The following MAFK variants were observed in gnomAD, a reference collection of about 807,000 sequenced individuals.
MAFK encodes the protein MAF bZIP transcription factor K.
Under a neutral mutation model 9.2 loss-of-function variants are expected in MAFK, and 1 was observed. The observed-to-expected ratio is 0.11, with a 90% CI of 0.04 to 0.52. MAFK has a LOEUF of 0.52. MAFK is among the 20% of genes least tolerant of loss of function. The pLI is 0.94. For synonymous variants in MAFK, 110 were observed against 107.4 expected (o/e 1.02, Z -0.15); for missense variants, 207 against 236.0 (o/e 0.88, Z 0.81).
In MAFK at chr7:1,540,382, C is replaced by T. The variant is rs1784147130; in HGVS notation, c.*7C>T. 7.9e-7 allele frequency: 1 copy of T among 1,268,344 alleles called. No homozygotes were observed. The highest frequency in any genetic ancestry group is 2.5e-5 in the Admixed American group (1 of 40,008). The allele number at this position is 1,268,344 out of a possible 1,614,324, so 78.6% of individuals were successfully genotyped here. A position where few individuals can be genotyped will look rare whatever the true frequency, so the allele number is the denominator to read the frequency against. Reference sequence around the variant, plus strand: ...CTTCTCGGCTGCATCCTAGTGCCGGCCGGGGGCGGGGGGTGGCGGGCGGCG... The same window carrying T: ...CTTCTCGGCTGCATCCTAGTGCCGGTCGGGGGCGGGGGGTGGCGGGCGGCG... On this transcript the variant is annotated 3_prime_UTR_variant, in exon 3 of 3. Transcript: ENST00000343242.
chr7:1,542,909 C>G lies in MAFK; in HGVS notation c.*2534C>G, dbSNP rs1002762172. The G allele has an allele frequency of 6.5e-5, 10 of 152,802 alleles. No individual in the cohort carries two copies. The highest frequency in any genetic ancestry group is 2.4e-4 in the African/African-American group (10 of 41,588). The allele number at this position is 152,802 out of a possible 1,614,324, so 9.5% of individuals were successfully genotyped here. A position where few individuals can be genotyped will look rare whatever the true frequency, so the allele number is the denominator to read the frequency against. ...TTATCATGATATAAATTATTGAAAACAGATCACATGTGGGCCCGTGTCTGG... is the reference window on the plus strand; with the variant it reads ...TTATCATGATATAAATTATTGAAAAGAGATCACATGTGGGCCCGTGTCTGG... On this transcript the variant is annotated 3_prime_UTR_variant, in exon 3 of 3. Coordinates refer to ENST00000343242, the MANE Select transcript of MAFK (RefSeq NM_002360.4).
intron 1 of MAFK, chr7:1,538,944 C>G (rs914632818): frequency 4.9e-5 from 26 of 532,972 alleles, no homozygotes; most frequent in African/African-American, 4.5e-4. Flanking sequence ...AACCCTCAGG[C>G]AGGGACAGAG....
chr7:1,536,525 A>G (rs1187714313), intron 1 of MAFK, among the ~76,000 whole-genome samples: 1 of 152,214 alleles, frequency 6.6e-6, no homozygotes, highest in Non-Finnish European at 1.5e-5. Flanking sequence ...AGCGCTTTCT[A>G]CATGTGCTCT....
intron 1 of MAFK, 193 bp from the exon 2 acceptor site, chr7:1,538,956 C>T (rs1583201786): frequency 1.8e-6 from 1 of 553,078 alleles, no homozygotes. Flanking sequence ...GGGACAGAGG[C>T]CGGGCCAGGA....
chr7:1,533,705 C>A (rs1783959510), intron 1 of MAFK, among the ~76,000 whole-genome samples: 1 of 151,348 alleles, frequency 6.6e-6, no homozygotes, highest in African/African-American at 2.4e-5. Context: ...GCGGGTGATG[C>A]TTGAGGGCTG....
chr7:1,537,034 G>A (rs1291640335), intron 1 of MAFK, among the ~76,000 whole-genome samples: 1 of 152,262 alleles, frequency 6.6e-6, no homozygotes, highest in Non-Finnish European at 1.5e-5. Flanking sequence ...GCGTGCTTCA[G>A]TAGCCCTGGC....
At chr7:1,537,848 G>A (rs1446531020) in intron 1 of MAFK, 4 of 267,892 alleles carry the variant, frequency 1.5e-5, no homozygotes, top group South Asian at 2.8e-4. Flanking sequence ...GACGGGATGC[G>A]GTCACCCGCC....
intron 1 of MAFK, chr7:1,538,693 T>G: frequency 6.2e-6 from 1 of 160,798 alleles, no homozygotes; most frequent in Non-Finnish European, 1.3e-5. Flanking sequence ...CACCAGTCAC[T>G]TTGGTCCTCG....
At chr7:1,535,824 C>T (rs1371291773) in intron 1 of MAFK, among the ~76,000 whole-genome samples, 1 of 152,232 alleles carries the variant, frequency 6.6e-6, no homozygotes, top group Non-Finnish European at 1.5e-5. Flanking sequence ...TGGGCGGAGC[C>T]GCCCTGCCCT....
intron 1 of MAFK, 93 bp from the exon 2 acceptor site, chr7:1,539,056 G>T: frequency 1.1e-6 from 1 of 946,112 alleles, no homozygotes; most frequent in Non-Finnish European, 1.7e-6. Flanking sequence ...TCCACCCCGG[G>T]CTGAGAAGCA....
rs1485330840 is a variant in MAFK at position 1,542,502 on chromosome 7, GTGGGCTTCTACCTGCCCT to G, written c.*2131_*2148del. 5 of 152,334 alleles carry G rather than the reference GTGGGCTTCTACCTGCCCT, an allele frequency of 3.3e-5. No individual in the cohort carries two copies. Among genetic ancestry groups the G allele is most frequent in the African/African-American group, 1.2e-4 (5 of 41,474 alleles). The allele number at this position is 152,334 out of a possible 1,614,324, so 9.4% of individuals were successfully genotyped here. On this transcript the variant is annotated 3_prime_UTR_variant, in exon 3 of 3. Transcript: ENST00000343242. ...TCTTGGTGTCCACGTCTTGTGGGCC[GTGGGCTTCTACCTGCCCT>G]TGGCCTGCAGTGCTTTGCTGGAGAA...
In MAFK at chr7:1,542,430, C is replaced by T. The variant is rs879650991; in HGVS notation, c.*2055C>T. 5 of 152,468 alleles carry T rather than the reference C, an allele frequency of 3.3e-5. No individual in the cohort carries two copies. The highest frequency in any genetic ancestry group is 7.2e-5 in the African/African-American group (3 of 41,452). The allele number at this position is 152,468 out of a possible 1,614,324, so 9.4% of individuals were successfully genotyped here. On this transcript the variant is annotated 3_prime_UTR_variant, in exon 3 of 3. Coordinates refer to ENST00000343242, the MANE Select transcript of MAFK (RefSeq NM_002360.4). ...CGGACTGTACCAGGCAGCTGGGCCCCGCAGGACAGGCCGCAGCGGGTGGCC... is the reference window on the plus strand; with the variant it reads ...CGGACTGTACCAGGCAGCTGGGCCCTGCAGGACAGGCCGCAGCGGGTGGCC...
rs551204645 is a variant in MAFK at position 1,538,348 on chromosome 7, C to T, written c.-44-801C>T. Reference sequence around the variant, plus strand: ...CTCCCTGGTCTCTGGCTGCGGCCCCCGGACCTGCCGCCCCTCAGGAACCCC... The same window carrying T: ...CTCCCTGGTCTCTGGCTGCGGCCCCTGGACCTGCCGCCCCTCAGGAACCCC... On this transcript the variant is annotated intron_variant, in intron 1 of 2. Transcript: ENST00000343242. 2.5e-5 allele frequency: 25 copies of T among 984,312 alleles called. 1 individual carries two copies. The East Asian group carries it at 1.1e-3, about 45-fold the overall frequency. The allele number at this position is 984,312 out of a possible 1,614,324, so 61.0% of individuals were successfully genotyped here.
intron 1 of MAFK, among the ~76,000 whole-genome samples, chr7:1,536,771 C>T (rs1784040576): frequency 6.6e-6 from 1 of 152,214 alleles, no homozygotes. Context: ...CAGCACCATC[C>T]CATCCCGTGC....
At chr7:1,533,672 C>T (rs1783958683) in intron 1 of MAFK, among the ~76,000 whole-genome samples, 1 of 151,970 alleles carries the variant, frequency 6.6e-6, no homozygotes, top group South Asian at 2.1e-4. Flanking sequence ...AGGCCGGAGC[C>T]TGGGCAGGTG....
At chr7:1,535,602 A>G (rs548140266) in intron 1 of MAFK, among the ~76,000 whole-genome samples, 181 of 152,324 alleles carry the variant, frequency 1.2e-3, no homozygotes, top group African/African-American at 4.0e-3. Context: ...GTGAGCTGTG[A>G]TTTCACCACT....
intron 1 of MAFK, among the ~76,000 whole-genome samples, chr7:1,531,288 G>C (rs1255444915): frequency 6.6e-6 from 1 of 150,750 alleles, no homozygotes; most frequent in Non-Finnish European, 1.5e-5. Context: ...CGCCACGTGC[G>C]GGCGGTGCGG....
intron 1 of MAFK, among the ~76,000 whole-genome samples, chr7:1,532,000 A>G (rs1326453012): frequency 6.6e-6 from 1 of 152,228 alleles, no homozygotes; most frequent in Non-Finnish European, 1.5e-5. Context: ...CAGCCAGCCA[A>G]TCTCTGGCCA....
chr7:1,535,274 A>G (rs1417110466), intron 1 of MAFK, among the ~76,000 whole-genome samples: 1 of 152,164 alleles, frequency 6.6e-6, no homozygotes, highest in Admixed American at 6.5e-5. Context: ...AGCTTGTGCC[A>G]GCACAGCAAG....
Sources: gnomAD v4.1 joint callset for allele counts (sites outside exome capture counted in the v4.1 genomes callset) on GRCh38, gnomAD v4.1.1 for gene constraint, MANE v1.5 for transcripts, NCBI Gene and HGNC (gene_info 2026-07-23, HGNC 2026-07-21) for gene names.